SLC7A8: variants seen among roughly 807,000 people sequenced by gnomAD.
SLC7A8 encodes the protein solute carrier family 7 member 8.
A neutral mutation model predicts 51.2 loss-of-function variants in SLC7A8; 30 were observed. The observed-to-expected ratio is 0.59, with a 90% CI of 0.44 to 0.80. The LOEUF (loss-of-function observed/expected upper bound fraction) is 0.80, where lower values mean the gene tolerates loss of function less well. SLC7A8 is among the 30% of genes least tolerant of loss of function. The pLI, the probability that SLC7A8 is intolerant of heterozygous loss-of-function variation, is 0.00. For missense variants in SLC7A8, 612 were observed against 674.4 expected (o/e 0.91, Z 1.03); for synonymous variants, 257 against 275.8 (o/e 0.93, Z 0.67).
At chr14:23,133,496 A>G (rs73598458) in intron 7 of SLC7A8, among the ~76,000 whole-genome samples, 3,076 of 151,928 alleles carry the variant, frequency 0.02, 99 homozygotes, top group African/African-American at 0.063. Context: ...GTAAGTGCCT[A>G]AAAGTAAGAG....
At position 23,128,254 on chromosome 14, in the gene SLC7A8, A is replaced by G. The variant is rs2048598535; in HGVS notation, c.1264-58T>C. The G allele has an allele frequency of 1.7e-5, 27 of 1,602,676 alleles. No homozygotes were observed. The highest frequency in any genetic ancestry group is 2.3e-5 in the Non-Finnish European group (27 of 1,174,642). ...TGTAGGCCACGTGGCCCCCAGGACT[A>G]GGGACTGGGGCATTCTCTCTCTTCT... On this transcript the variant is annotated intron_variant, in intron 9 of 10. Transcript: ENST00000316902. The surrounding 1 kb of genome is among the most constrained non-coding windows in gnomAD (Gnocchi z 4.3).
chr14:23,129,830 C>A, intron 8 of SLC7A8, 31 bp from the exon 9 acceptor site: 1 of 1,611,750 alleles, frequency 6.2e-7, no homozygotes, highest in South Asian at 1.1e-5. Context: ...CATCAGTGAT[C>A]CGAAAGATAT....
chr14:23,178,660 A>AC (rs1409158529), intron 1 of SLC7A8, among the ~76,000 whole-genome samples: 10 of 151,826 alleles, frequency 6.6e-5, no homozygotes, highest in Middle Eastern at 3.4e-3. Flanking sequence ...CACACGTGTA[A>AC]CCCCAACACT....
chr14:23,176,890 C>T (rs572735750), intron 1 of SLC7A8, among the ~76,000 whole-genome samples: 4 of 142,342 alleles, frequency 2.8e-5, no homozygotes, highest in East Asian at 2.1e-4. Context: ...TGCAGTGAGC[C>T]GAGATTGCCC....
At chr14:23,153,304 A>C (rs1241880632) in intron 3 of SLC7A8, among the ~76,000 whole-genome samples, 2 of 152,194 alleles carry the variant, frequency 1.3e-5, no homozygotes, top group African/African-American at 4.8e-5. Flanking sequence ...ATGTGAGTGA[A>C]TTTAGACCCC....
chr14:23,140,920 T>C (rs1301620262), intron 4 of SLC7A8, among the ~76,000 whole-genome samples: 18 of 152,230 alleles, frequency 1.2e-4, no homozygotes, highest in Non-Finnish European at 1.5e-5. Flanking sequence ...AAATTGGGCT[T>C]TGGAAATACA....
At chr14:23,176,247 C>A (rs1490148963) in intron 1 of SLC7A8, among the ~76,000 whole-genome samples, 1 of 152,122 alleles carries the variant, frequency 6.6e-6, no homozygotes, top group African/African-American at 2.4e-5. Context: ...GAAATTTTTC[C>A]AAGTCAGTCC....
chr14:23,155,133 C>T, intron 3 of SLC7A8: 9 of 1,529,938 alleles, frequency 5.9e-6, no homozygotes, highest in Non-Finnish European at 7.9e-6. Context: ...AACATTTCCC[C>T]TTCTCCAGCC....
intron 7 of SLC7A8, among the ~76,000 whole-genome samples, chr14:23,137,236 G>A (rs2048698746): frequency 2.0e-5 from 3 of 152,160 alleles, no homozygotes; most frequent in Non-Finnish European, 4.4e-5. Flanking sequence ...TCGCACTTCT[G>A]GCTTCTGAGA....
intron 1 of SLC7A8, among the ~76,000 whole-genome samples, chr14:23,171,353 C>A (rs1431530734): frequency 1.3e-5 from 2 of 152,118 alleles, no homozygotes; most frequent in East Asian, 3.8e-4. Context: ...TCTCAATGGG[C>A]AAGTCTTCAC....
chr14:23,156,565 C>T (rs1566368613), intron 3 of SLC7A8, among the ~76,000 whole-genome samples: 1 of 152,130 alleles, frequency 6.6e-6, no homozygotes, highest in African/African-American at 2.4e-5. Context: ...TAAAAGTTTA[C>T]CAGACACAAT....
rs768461275 is a variant in SLC7A8, at chr14:23,127,178, C to G, written c.1607G>C (p.Ter536SerextTer41). The G allele has an allele frequency of 5.0e-6, 8 of 1,613,898 alleles. No homozygotes were observed. In the Admixed American group the frequency reaches 1.3e-4, roughly 27 times the overall value. ...AGAGTAGCCAGGGAATGGTGGTCCT[C>G]AGGGCTGGGGCTGCCCCGCCACGTC... ...DKDVAGQPQP[*>S] Residue 536 changes from the stop codon to serine, a stop_lost, in exon 11 of 11, where the codon TGA (stop) becomes TCA (serine). Transcript: ENST00000316902.
At position 23,128,039 on chromosome 14, in the gene SLC7A8, T is replaced by G. The variant is rs756092748; in HGVS notation, c.1421A>C (p.Lys474Thr). ...FLGVYWQHKP[K>T]CFSDFIELLT... ...CTCACCAATGAAGTCACTGAAACACTTGGGCTTGTGTTGCCAGTAAACACC... is the reference window on the plus strand; with the variant it reads ...CTCACCAATGAAGTCACTGAAACACGTGGGCTTGTGTTGCCAGTAAACACC... Residue 474 changes from lysine to threonine, a missense_variant, in exon 10 of 11, where the codon AAG (lysine) becomes ACG (threonine). Physicochemically the swap from Lys to Thr is moderately conservative, Grantham distance 78. Transcript: ENST00000316902. The surrounding 1 kb of genome is among the most constrained non-coding windows in gnomAD (Gnocchi z 4.3). 1 of 1,614,042 alleles carries G rather than the reference T, an allele frequency of 6.2e-7. No homozygotes were observed. Among genetic ancestry groups the G allele is most frequent in the South Asian group, 1.1e-5 (1 of 91,062 alleles).
At chr14:23,154,962 TA>T (rs201310696) in intron 3 of SLC7A8, among the ~76,000 whole-genome samples, 2,095 of 34,790 alleles carry the variant, frequency 0.06, 38 homozygotes, top group African/African-American at 0.11. Context: ...AGAAAAACGT[TA>T]AAAAAAAAAA....
chr14:23,164,395 C>G (rs534299281), intron 3 of SLC7A8, among the ~76,000 whole-genome samples: 2 of 152,226 alleles, frequency 1.3e-5, no homozygotes, highest in African/African-American at 4.8e-5. Context: ...ATCAGGAGCC[C>G]TTGCACTCCA....
At chr14:23,129,985 TTTC>T in intron 8 of SLC7A8, 186 bp from the exon 9 acceptor site, 1 of 622,500 alleles carries the variant, frequency 1.6e-6, no homozygotes, top group Non-Finnish European at 2.7e-6. Context: ...TAGGAAATCC[TTTC>T]TTATTACAGG....
At chr14:23,127,564 T>C (rs758840622) in intron 10 of SLC7A8, among the ~76,000 whole-genome samples, 11 of 152,240 alleles carry the variant, frequency 7.2e-5, no homozygotes, top group Non-Finnish European at 1.6e-4. Context: ...CTGTGCCCAC[T>C]GACCCCTAAG....
intron 3 of SLC7A8, among the ~76,000 whole-genome samples, chr14:23,153,227 C>G (rs1034741457): frequency 3.9e-5 from 6 of 152,204 alleles, no homozygotes; most frequent in African/African-American, 1.2e-4. Flanking sequence ...ATCTGCCTGA[C>G]TCGGCTTCCC....
rs1451677478 is a variant in SLC7A8 at position 23,182,904 on chromosome 14, CCTT to C, written c.8_10del (p.Glu3del). 1.9e-6 allele frequency: 3 copies of C among 1,614,000 alleles called. No individual in the cohort carries two copies. The highest frequency in any genetic ancestry group is 2.7e-5 in the African/African-American group (2 of 74,908). ...TTCGGTGTTGTTTCGGTGCCTGGCT[CCTT>C]CTTCCATCCTTCTCAGTAGGATTGC... On this transcript the variant is annotated inframe_deletion, in exon 1 of 11. Transcript: ENST00000316902.
Sources: allele counts gnomAD v4.1 joint callset (sites outside exome capture counted in the v4.1 genomes callset), GRCh38; gene constraint gnomAD v4.1.1; non-coding constraint Gnocchi (gnomAD v3.1); transcripts MANE v1.5; gene names NCBI Gene and HGNC (gene_info 2026-07-23, HGNC 2026-07-21).